The following FBXO4 variants were observed in gnomAD, a reference collection of about 807,000 sequenced individuals.
FBXO4 encodes F-box only protein 4.
A neutral mutation model predicts 43.7 loss-of-function variants in FBXO4; 36 were observed. The observed-to-expected ratio is 0.82, with a 90% CI of 0.63 to 1.09. The LOEUF (loss-of-function observed/expected upper bound fraction) is 1.09, where lower values mean the gene tolerates loss of function less well. Among genes scored for constraint, FBXO4 ranks in the 50% least tolerant of loss-of-function variants. The pLI is 0.00. For missense variants in FBXO4, 435 were observed against 474.1 expected (o/e 0.92, Z 0.77); for synonymous variants, 180 against 165.6 (o/e 1.09, Z -0.67).
downstream of FBXO4, among the ~76,000 whole-genome samples, chr5:41,946,213 T>C (rs1456884270): frequency 2.0e-5 from 3 of 152,190 alleles, no homozygotes; most frequent in Non-Finnish European, 2.9e-5. Flanking sequence ...GACCTGCCGA[T>C]CTGCCTGGGA....
At chr5:41,955,638 T>C in the FBXO4 span, among the ~76,000 whole-genome samples, 4 of 152,080 alleles carry the variant, frequency 2.6e-5, no homozygotes, top group Non-Finnish European at 5.9e-5. Flanking sequence ...TTAAAGTTCA[T>C]AGGGCGGAGT....
At chr5:42,032,044 T>G in the FBXO4 span, among the ~76,000 whole-genome samples, 1 of 148,662 alleles carries the variant, frequency 6.7e-6, no homozygotes, top group Non-Finnish European at 1.5e-5. Context: ...TCTCACTCTC[T>G]CTGTCTTTTT....
At chr5:41,934,071 T>G (rs1471721068) in intron 4 of FBXO4, 50 bp downstream of exon 4, 31 of 1,611,022 alleles carry the variant, frequency 1.9e-5, no homozygotes, top group Non-Finnish European at 2.6e-5. Flanking sequence ...ACTAAAACAT[T>G]TCAGGTGAGT....
the FBXO4 span, among the ~76,000 whole-genome samples, chr5:41,955,078 G>A: frequency 6.6e-6 from 1 of 152,206 alleles, no homozygotes; most frequent in African/African-American, 2.4e-5. Context: ...AGTAGTGTCA[G>A]AGAAGAATTT....
the FBXO4 span, among the ~76,000 whole-genome samples, chr5:41,950,375 A>C: frequency 6.6e-6 from 1 of 152,174 alleles, no homozygotes; most frequent in Admixed American, 6.5e-5. Flanking sequence ...TGAGAAAAAA[A>C]CAAACAACCC....
At chr5:42,031,029 C>G in the FBXO4 span, among the ~76,000 whole-genome samples, 1 of 152,122 alleles carries the variant, frequency 6.6e-6, no homozygotes, top group African/African-American at 2.4e-5. Flanking sequence ...ACTAGTTCAA[C>G]CATTGTGGAA....
the FBXO4 span, among the ~76,000 whole-genome samples, chr5:41,991,416 C>G: frequency 4.6e-5 from 7 of 152,180 alleles, no homozygotes; most frequent in Non-Finnish European, 5.9e-5. Context: ...CTTTTCTCTG[C>G]TTAATCCTGT....
At chr5:41,936,838 G>A (rs184016261) in intron 5 of FBXO4, among the ~76,000 whole-genome samples, 29 of 151,930 alleles carry the variant, frequency 1.9e-4, no homozygotes, top group Admixed American at 1.6e-3. Flanking sequence ...TAACTCAGGG[G>A]TCAGGAAACT....
downstream of FBXO4, among the ~76,000 whole-genome samples, chr5:41,943,339 G>A (rs1025830389): frequency 5.3e-5 from 8 of 152,146 alleles, no homozygotes; most frequent in Admixed American, 3.3e-4. Context: ...CTGGAGTTGA[G>A]AATGACCTAA....
At chr5:41,939,658 ACT>A in intron 6 of FBXO4, 42 bp downstream of exon 6, 1 of 1,475,870 alleles carries the variant, frequency 6.8e-7, no homozygotes, top group Non-Finnish European at 9.2e-7. Context: ...TTTATTTTGC[ACT>A]CTATTTTCTA....
the FBXO4 span, among the ~76,000 whole-genome samples, chr5:42,038,156 C>G: frequency 6.6e-6 from 1 of 152,098 alleles, no homozygotes; most frequent in Non-Finnish European, 1.5e-5. Context: ...ATCAATTCCC[C>G]TCTCCCAGTG....
At chr5:42,023,079 G>A in the FBXO4 span, among the ~76,000 whole-genome samples, 3 of 152,054 alleles carry the variant, frequency 2.0e-5, no homozygotes, top group African/African-American at 7.2e-5. Context: ...TCCATTGTCT[G>A]ACTACGATAA....
the FBXO4 span, among the ~76,000 whole-genome samples, chr5:42,025,953 A>G: frequency 6.6e-6 from 1 of 151,948 alleles, no homozygotes; most frequent in South Asian, 2.1e-4. Flanking sequence ...CTTCTGTAGT[A>G]TAATTTGAAG....
chr5:41,982,996 G>T, the FBXO4 span, among the ~76,000 whole-genome samples: 4 of 152,178 alleles, frequency 2.6e-5, no homozygotes, highest in East Asian at 7.7e-4. Context: ...GTGTTAGTTT[G>T]CTGAGAATGA....
At chr5:41,989,458 A>AG in the FBXO4 span, among the ~76,000 whole-genome samples, 1 of 152,188 alleles carries the variant, frequency 6.6e-6, no homozygotes, top group Non-Finnish European at 1.5e-5. Context: ...GTTACTGTAG[A>AG]GAAAGATGAG....
chr5:41,973,628 T>A, the FBXO4 span, among the ~76,000 whole-genome samples: 2 of 152,092 alleles, frequency 1.3e-5, no homozygotes, highest in Non-Finnish European at 2.9e-5. Flanking sequence ...CTGCAGTGAG[T>A]TGTGTTCATG....
chr5:41,972,792 C>T, the FBXO4 span, among the ~76,000 whole-genome samples: 2 of 152,098 alleles, frequency 1.3e-5, no homozygotes, highest in African/African-American at 4.8e-5. Context: ...ACCATCTGAT[C>T]CTCAACAAAA....
At chr5:41,965,855 T>C in the FBXO4 span, among the ~76,000 whole-genome samples, 2 of 152,210 alleles carry the variant, frequency 1.3e-5, no homozygotes, top group Non-Finnish European at 2.9e-5. Context: ...AACACGTATG[T>C]TTATTGTGGC....
chr5:42,015,672 G>T, the FBXO4 span, among the ~76,000 whole-genome samples: 1 of 151,990 alleles, frequency 6.6e-6, no homozygotes. Flanking sequence ...CTGCTCTGGT[G>T]GGGGAATGGT....
Sources: allele counts gnomAD v4.1 joint callset (sites outside exome capture counted in the v4.1 genomes callset), GRCh38; gene constraint gnomAD v4.1.1; transcripts MANE v1.5; gene names NCBI Gene and HGNC (gene_info 2026-07-23, HGNC 2026-07-21).